Variants in SPON1 observed in about 807,000 individuals in gnomAD.
The protein encoded by SPON1 is spondin 1.
In SPON1, 52 loss-of-function variants were observed where a neutral mutation model predicts 111.7. That is an observed-to-expected ratio of 0.47 (90% CI 0.37 to 0.59). The LOEUF (loss-of-function observed/expected upper bound fraction) is 0.59. Ranked by LOEUF, SPON1 falls within the 20% of genes least tolerant of loss-of-function variation. The pLI is 0.00. For synonymous variants in SPON1, 410 were observed against 395.8 expected, an observed-to-expected ratio of 1.04 and a Z score of -0.43; for missense variants, 957 against 1,068.5, an observed-to-expected ratio of 0.90 and a Z score of 1.46.
At chr11:14,062,269 C>T (rs1395374428) in intron 3 of SPON1, among the ~76,000 whole-genome samples, 1 of 152,170 alleles carries the variant, frequency 6.6e-6, no homozygotes, top group African/African-American at 2.4e-5. Flanking sequence ...GCCAGCATCC[C>T]TCAAGTCTAA....
chr11:14,155,295 AG>A (rs1229724432), intron 6 of SPON1, among the ~76,000 whole-genome samples: 1 of 152,158 alleles, frequency 6.6e-6, no homozygotes, highest in Non-Finnish European at 1.5e-5. Flanking sequence ...ATTGCTATAA[AG>A]AACTGTCTGA....
At chr11:14,231,104 T>G (rs1405311512) in intron 6 of SPON1, among the ~76,000 whole-genome samples, 1 of 151,214 alleles carries the variant, frequency 6.6e-6, no homozygotes, top group African/African-American at 2.4e-5. Context: ...TGAGCCACTG[T>G]GCCCAGCCGC....
intron 6 of SPON1, among the ~76,000 whole-genome samples, chr11:14,175,852 G>T (rs1554933023): frequency 6.6e-6 from 1 of 152,174 alleles, no homozygotes; most frequent in East Asian, 1.9e-4. Context: ...AGAACCATAG[G>T]CAAGGTTCTT....
intron 6 of SPON1, among the ~76,000 whole-genome samples, chr11:14,201,994 A>G (rs1848470026): frequency 6.6e-6 from 1 of 152,212 alleles, no homozygotes; most frequent in African/African-American, 2.4e-5. Flanking sequence ...AAATGGATAA[A>G]TTATTCATTA....
intron 6 of SPON1, among the ~76,000 whole-genome samples, chr11:14,230,448 C>T (rs1848786108): frequency 6.6e-6 from 1 of 152,202 alleles, no homozygotes; most frequent in African/African-American, 2.4e-5. Context: ...TCTTTTGAAA[C>T]TGCCGTTACT....
intron 2 of SPON1, among the ~76,000 whole-genome samples, chr11:13,992,516 G>A (rs1180613972): frequency 1.1e-4 from 17 of 152,262 alleles, no homozygotes; most frequent in African/African-American, 2.2e-4. Flanking sequence ...GGGACCTGCC[G>A]AGCCAGACCA....
In SPON1 at chr11:13,982,847, TA is replaced by T; in HGVS notation, c.241del (p.Thr81HisfsTer15). 1 of 1,551,036 alleles carries T rather than the reference TA, an allele frequency of 6.4e-7. No individual in the cohort carries two copies. Among genetic ancestry groups the T allele is most frequent in the Non-Finnish European group, 8.7e-7 (1 of 1,144,268 alleles). On this transcript the variant is annotated frameshift_variant and splice_region_variant, in exon 2 of 16. Coordinates refer to ENST00000576479, the MANE Select transcript of SPON1 (RefSeq NM_006108.4). LOFTEE classifies it high-confidence loss of function. ...DFYKPGTSYRVTLSAAPPSYF... is the reference protein window; with the variant it reads ...DFYKPGTSYRXTLSAAPPSYF... ...AACCTGCTTTTTTCTCTCTCTGCAG[TA>T]ACACTTTCAGCTGCTCCTCCCTCCT...
intron 5 of SPON1, among the ~76,000 whole-genome samples, chr11:14,117,309 T>C (rs1849274002): frequency 6.6e-6 from 1 of 152,214 alleles, no homozygotes; most frequent in Admixed American, 6.5e-5. Flanking sequence ...GTAAGATTAT[T>C]GCTATGGCTT....
intron 6 of SPON1, among the ~76,000 whole-genome samples, chr11:14,141,970 A>G (rs1246337980): frequency 6.6e-6 from 1 of 152,172 alleles, no homozygotes; most frequent in African/African-American, 2.4e-5. Flanking sequence ...AGTGATGTAT[A>G]ATGTCTAAAA....
At chr11:14,021,378 C>T (rs957247378) in intron 2 of SPON1, among the ~76,000 whole-genome samples, 1 of 152,058 alleles carries the variant, frequency 6.6e-6, no homozygotes, top group South Asian at 2.1e-4. Context: ...CCAACAAGTC[C>T]CCGGGTAGAC....
chr11:14,261,687 C>T (rs1849184444), intron 14 of SPON1, among the ~76,000 whole-genome samples: 1 of 152,196 alleles, frequency 6.6e-6, no homozygotes, highest in Non-Finnish European at 1.5e-5. Flanking sequence ...TTTTCAGTAA[C>T]TAAGATTGGC....
At position 14,172,447 on chromosome 11, in the gene SPON1, A is replaced by G. The variant is rs572231881; in HGVS notation, c.825+36879A>G. Among the ~76,000 whole-genome samples, 74 of 151,674 alleles carry G rather than the reference A, an allele frequency of 4.9e-4. No individual in the cohort carries two copies. The East Asian group carries it at 0.012, about 24-fold the overall frequency. On this transcript the variant is annotated intron_variant, in intron 6 of 15. Coordinates refer to ENST00000576479, the MANE Select transcript of SPON1 (RefSeq NM_006108.4). ...CTGATGGGTCTTGACTCTTTATCCA[A>G]TTTGCCAGTCTGTGTCTTTTAATTG...
rs184465802 is a variant in SPON1 at position 14,178,167 on chromosome 11, G to A, written c.825+42599G>A. 2.2e-3 allele frequency among the ~76,000 whole-genome samples: 329 copies of A among 151,636 alleles called. 9 individuals are homozygous for A. The highest frequency in any genetic ancestry group is 0.021 in the Middle Eastern group (6 of 292). ...TCTTCAATTAAATGAATGTTTAGAA[G>A]TCACAAACACTTTGGGAGGCTGAGG... On this transcript the variant is annotated intron_variant, in intron 6 of 15. Coordinates refer to ENST00000576479, the MANE Select transcript of SPON1 (RefSeq NM_006108.4).
At chr11:14,210,808 G>A (rs1848567199) in intron 6 of SPON1, among the ~76,000 whole-genome samples, 4 of 152,106 alleles carry the variant, frequency 2.6e-5, no homozygotes, top group African/African-American at 9.7e-5. Context: ...TCCAGTTTCA[G>A]TTTTCTGCAT....
Position 13,963,056 on chromosome 11 carries a change from A to G in SPON1, c.152A>G (p.Gln51Arg), listed in dbSNP as rs782705875. The G allele has an allele frequency of 2.5e-6, 4 of 1,578,820 alleles. No homozygotes were observed. The Admixed American group carries it at 7.1e-5, about 28-fold the overall frequency. ...EGYCSRILRA[Q>R]GTRREGYTEF... Reference sequence around the variant, plus strand: ...TACTGCAGCCGTATCCTGCGCGCCCAGGGCACGCGGCGCGAGGGCTACACC... The same window carrying G: ...TACTGCAGCCGTATCCTGCGCGCCCGGGGCACGCGGCGCGAGGGCTACACC... Residue 51 changes from glutamine (Q) to arginine (R), a missense_variant, in exon 1 of 16, where the codon CAG becomes CGG. Gln to Arg is a conservative substitution (Grantham distance 43). This residue lies in a region of SPON1 where 262 missense variants were observed against 253.9 expected (regional missense o/e 1.03). Transcript: ENST00000576479.
rs573178246 is a variant in SPON1 at position 14,103,989 on chromosome 11, C to G, written c.676+23968C>G. Among the ~76,000 whole-genome samples, 23 of 152,220 alleles carry G rather than the reference C, an allele frequency of 1.5e-4. No homozygotes were observed. The South Asian group carries it at 4.1e-3, about 27-fold the overall frequency. ...CTTATAGACATAATATCATTATGCTCTCATTATTAAGGCTTTTATCACATA... is the reference window on the plus strand; with the variant it reads ...CTTATAGACATAATATCATTATGCTGTCATTATTAAGGCTTTTATCACATA... On this transcript the variant is annotated intron_variant, in intron 5 of 15. Coordinates refer to ENST00000576479, the MANE Select transcript of SPON1 (RefSeq NM_006108.4).
At chr11:14,111,623 G>C (rs1383080259) in intron 5 of SPON1, among the ~76,000 whole-genome samples, 1 of 152,150 alleles carries the variant, frequency 6.6e-6, no homozygotes, top group East Asian at 1.9e-4. Flanking sequence ...AATATACCCT[G>C]AAGAATTGTT....
At chr11:14,263,705 G>A (rs1199270212) in intron 15 of SPON1, among the ~76,000 whole-genome samples, 3 of 152,156 alleles carry the variant, frequency 2.0e-5, no homozygotes, top group African/African-American at 7.2e-5. Flanking sequence ...AGTGGGTCTT[G>A]AAAAATCTAG....
At chr11:14,265,045 C>G (rs1849247498) in intron 15 of SPON1, among the ~76,000 whole-genome samples, 1 of 152,144 alleles carries the variant, frequency 6.6e-6, no homozygotes, top group Non-Finnish European at 1.5e-5. Flanking sequence ...CTGGATGGTT[C>G]TTCTTGGGTC....
Sources: gnomAD v4.1 joint callset for allele counts (sites outside exome capture counted in the v4.1 genomes callset) on GRCh38, gnomAD v4.1.1 for gene constraint, gnomAD v4.1.1 regional missense constraint, MANE v1.5 for transcripts, NCBI Gene and HGNC (gene_info 2026-07-23, HGNC 2026-07-21) for gene names.